The following STIM2 variants were observed in gnomAD, a reference collection of about 807,000 sequenced individuals.
The protein encoded by STIM2 is stromal interaction molecule 2.
STIM2 carries 31 observed loss-of-function variants against 85.8 expected under a neutral mutation model. The observed-to-expected ratio is 0.36, with a 90% CI of 0.27 to 0.49. The LOEUF is 0.49. STIM2 is among the 20% of genes least tolerant of loss of function. STIM2 has a pLI of 0.98. For missense variants in STIM2, 841 were observed against 927.6 expected (o/e 0.91, Z 1.21); for synonymous variants, 356 against 331.1 (o/e 1.08, Z -0.82).
At chr4:26,929,098 A>G (rs1213226163) in intron 2 of STIM2, among the ~76,000 whole-genome samples, 1 of 152,208 alleles carries the variant, frequency 6.6e-6, no homozygotes, top group East Asian at 1.9e-4. Flanking sequence ...ATATGAGAAG[A>G]ATAATATTAA....
Position 26,885,847 on chromosome 4 carries a change from A to ATG in STIM2, c.151+24479_151+24480insGT, listed in dbSNP as rs1577415588. ...TATATATATATATATATATATATATATATATATATATATATATATATATAT... is the reference window on the plus strand; with the variant it reads ...TATATATATATATATATATATATATATGTATATATATATATATATATATATAT... On this transcript the variant is annotated intron_variant, in intron 1 of 11. Transcript: ENST00000467087. Among the ~76,000 whole-genome samples, 309 of 43,480 alleles carry ATG rather than the reference A, an allele frequency of 7.1e-3. 13 individuals are homozygous for ATG. Among genetic ancestry groups the ATG allele is most frequent in the Non-Finnish European group, 0.01 (241 of 23,778 alleles). 28.5% of individuals were successfully genotyped at this position (43,480 alleles called of 152,430 possible). A position where few individuals can be genotyped will look rare whatever the true frequency, so the allele number is the denominator to read the frequency against.
At chr4:26,984,251 A>G (rs1279074502) in intron 3 of STIM2, among the ~76,000 whole-genome samples, 2 of 152,228 alleles carry the variant, frequency 1.3e-5, no homozygotes, top group Non-Finnish European at 2.9e-5. Context: ...CATGTTTGTT[A>G]AGTGCTTGCT....
chr4:26,994,683 T>C (rs190347768), intron 3 of STIM2, among the ~76,000 whole-genome samples: 1 of 152,282 alleles, frequency 6.6e-6, no homozygotes, highest in East Asian at 1.9e-4. Context: ...AGCTCCTCTC[T>C]GACTTTCTGC....
At chr4:26,939,963 G>A (rs1725540038) in intron 2 of STIM2, among the ~76,000 whole-genome samples, 2 of 152,114 alleles carry the variant, frequency 1.3e-5, no homozygotes, top group Admixed American at 6.6e-5. Flanking sequence ...CACATGAATC[G>A]TGGCATGCTC....
chr4:26,944,258 C>T (rs966903199), intron 2 of STIM2, among the ~76,000 whole-genome samples: 1 of 152,080 alleles, frequency 6.6e-6, no homozygotes, highest in African/African-American at 2.4e-5. Context: ...AACCTTTCCC[C>T]CTCTTATTTT....
chr4:27,023,243 T>C lies in STIM2; in HGVS notation c.*247T>C, dbSNP rs1323137574. 2 of 469,106 alleles carry C rather than the reference T, an allele frequency of 4.3e-6. No individual in the cohort carries two copies. Among genetic ancestry groups the C allele is most frequent in the East Asian group, 7.2e-5 (2 of 27,724 alleles). 29.1% of individuals were successfully genotyped at this position (469,106 alleles called of 1,614,324 possible). ...ATCATTGAAATGAGACAGTTTACAG[T>C]CATTTCTGCCTATTTATTTCTGCTT... On this transcript the variant is annotated 3_prime_UTR_variant, in exon 12 of 12. Transcript: ENST00000467087.
intron 3 of STIM2, among the ~76,000 whole-genome samples, chr4:26,993,002 ACTGG>A: frequency 6.6e-6 from 1 of 152,092 alleles, no homozygotes; most frequent in Non-Finnish European, 1.5e-5. Context: ...GTACTGACTT[ACTGG>A]AAATTGTGGG....
chr4:26,976,382 C>CTTTT (rs35434321), intron 3 of STIM2, among the ~76,000 whole-genome samples: 3 of 116,942 alleles, frequency 2.6e-5, no homozygotes, highest in East Asian at 2.6e-4. Context: ...TCTTGGGAGT[C>CTTTT]TTTTTTTTTT....
chr4:27,005,057 A>G (rs1728284579), intron 7 of STIM2, among the ~76,000 whole-genome samples: 1 of 152,210 alleles, frequency 6.6e-6, no homozygotes, highest in Admixed American at 6.5e-5. Context: ...GTCTTCTTAT[A>G]CTGCTATTAA....
Position 26,864,679 on chromosome 4 carries a change from A to G in STIM2, c.151+3310A>G, listed in dbSNP as rs556519665. ...TGTAATACCATTTCACTGATTTGGC[A>G]TGTTATTAGAAATAACATATATAAA... On this transcript the variant is annotated intron_variant, in intron 1 of 11. Transcript: ENST00000467087. 2.0e-5 allele frequency among the ~76,000 whole-genome samples: 3 copies of G among 152,268 alleles called. No individual in the cohort carries two copies. In the East Asian group the frequency reaches 5.8e-4, roughly 29 times the overall value.
At chr4:26,947,225 C>G (rs1419853023) in intron 2 of STIM2, among the ~76,000 whole-genome samples, 1 of 152,132 alleles carries the variant, frequency 6.6e-6, no homozygotes, top group Non-Finnish European at 1.5e-5. Context: ...TCATCTCTGT[C>G]TCTCTTTCTC....
intron 10 of STIM2, among the ~76,000 whole-genome samples, chr4:27,014,813 A>G (rs1174082702): frequency 2.0e-5 from 3 of 152,012 alleles, no homozygotes; most frequent in East Asian, 1.9e-4. Flanking sequence ...AATTCTGCCC[A>G]TTTCTGTTTT....
At chr4:26,863,318 A>AATATTG (rs1722287656) in intron 1 of STIM2, among the ~76,000 whole-genome samples, 2 of 152,268 alleles carry the variant, frequency 1.3e-5, no homozygotes, top group South Asian at 4.1e-4. Context: ...CTTTTGTCAG[A>AATATTG]ATATTGATTT....
intron 2 of STIM2, among the ~76,000 whole-genome samples, chr4:26,941,221 T>C (rs1244510722): frequency 1.3e-5 from 2 of 152,178 alleles, no homozygotes; most frequent in Non-Finnish European, 2.9e-5. Flanking sequence ...TTCATCTTGC[T>C]TGTCAAACCA....
chr4:26,980,827 T>G (rs1727358386), intron 3 of STIM2, among the ~76,000 whole-genome samples: 1 of 152,210 alleles, frequency 6.6e-6, no homozygotes. Context: ...AGTGCTTTAT[T>G]AATTTTTTTG....
At chr4:26,892,149 CCT>C (rs1437880007) in intron 1 of STIM2, among the ~76,000 whole-genome samples, 1 of 152,224 alleles carries the variant, frequency 6.6e-6, no homozygotes, top group Non-Finnish European at 1.5e-5. Context: ...GTCCAGTAAA[CCT>C]CTTTCTTTTG....
chr4:26,866,750 C>G (rs77655415), intron 1 of STIM2, among the ~76,000 whole-genome samples: 85 of 152,168 alleles, frequency 5.6e-4, no homozygotes, highest in Non-Finnish European at 9.7e-4. Flanking sequence ...ATGAGACATC[C>G]AGGACAAATA....
chr4:26,933,114 T>G (rs1725263336), intron 2 of STIM2, among the ~76,000 whole-genome samples: 1 of 151,286 alleles, frequency 6.6e-6, no homozygotes, highest in African/African-American at 2.4e-5. Context: ...GTACCCCGGA[T>G]ATATTAGCGC....
chr4:26,991,225 A>G (rs1000009444), intron 3 of STIM2, among the ~76,000 whole-genome samples: 1 of 152,190 alleles, frequency 6.6e-6, no homozygotes, highest in Non-Finnish European at 1.5e-5. Context: ...TGTGGTATGT[A>G]TACACAATGG....
Sources: gnomAD v4.1 joint callset for allele counts (sites outside exome capture counted in the v4.1 genomes callset) on GRCh38, gnomAD v4.1.1 for gene constraint, MANE v1.5 for transcripts, NCBI Gene and HGNC (gene_info 2026-07-23, HGNC 2026-07-21) for gene names.